The following HEATR9 variants were observed in gnomAD, a reference collection of about 807,000 sequenced individuals.
The protein encoded by HEATR9 is HEAT repeat containing 9, also known as protein HEATR9.
HEATR9 carries 54 observed loss-of-function variants against 68.2 expected under a neutral mutation model. The ratio of observed to expected loss-of-function variants is 0.79; its 90% confidence interval spans 0.64 to 0.99. The LOEUF (loss-of-function observed/expected upper bound fraction) is 0.99. Ranked by LOEUF, HEATR9 falls within the 50% of genes least tolerant of loss-of-function variation. The pLI, the probability that HEATR9 is intolerant of heterozygous loss-of-function variation, is 0.00. For synonymous variants in HEATR9, 241 were observed against 253.5 expected, an observed-to-expected ratio of 0.95 and a Z score of 0.47; for missense variants, 662 against 679.7, an observed-to-expected ratio of 0.97 and a Z score of 0.29.
chr17:35,857,620 G>A (rs917864184), intron 11 of HEATR9, among the ~76,000 whole-genome samples: 50 of 152,096 alleles, frequency 3.3e-4, no homozygotes, highest in African/African-American at 1.0e-3. Flanking sequence ...TTAGCTAGGC[G>A]TGGTTGCGGG....
chr17:35,855,298 G>A lies in HEATR9; in HGVS notation c.1478C>T (p.Pro493Leu). 6.2e-7 allele frequency: 1 copy of A among 1,614,158 alleles called. No individual in the cohort carries two copies. Among genetic ancestry groups the A allele is most frequent in the Non-Finnish European group, 8.5e-7 (1 of 1,180,014 alleles). ...EAPKTNVKAE[P>L]TRFQKEPENP... ...CTCAGGCTCTTTCTGGAACCTTGTGGGCTCTGCCTTCACATTGGTCTTAGG... is the reference window on the plus strand; with the variant it reads ...CTCAGGCTCTTTCTGGAACCTTGTGAGCTCTGCCTTCACATTGGTCTTAGG... Residue 493 changes from proline (P) to leucine (L), a missense_variant, in exon 15 of 15, where the codon CCC becomes CTC. Transcript: ENST00000604834.
rs144377349 is a variant in HEATR9, at chr17:35,858,472, C to G, written c.993G>C (p.Lys331Asn). 33 of 1,613,962 alleles carry G rather than the reference C, an allele frequency of 2.0e-5. No individual in the cohort carries two copies. Among genetic ancestry groups the G allele is most frequent in the Non-Finnish European group, 2.3e-5 (27 of 1,180,032 alleles). ...AAGAACACAGCTGGTCTAGGATGGC[C>G]TTGATGACTGGGGCTGAGTGCACGT... Reference protein sequence around the residue: ...VMHVHSAPVIKAILDQLCSSS... With the variant: ...VMHVHSAPVINAILDQLCSSS... Residue 331 changes from lysine to asparagine, a missense_variant, in exon 10 of 15, where the codon AAG becomes AAC. Coordinates refer to ENST00000604834, the MANE Select transcript of HEATR9 (RefSeq NM_152781.4).
At position 35,858,898 on chromosome 17, in the gene HEATR9, T is replaced by C. The variant is rs1292868322; in HGVS notation, c.929A>G (p.Gln310Arg). 6.2e-7 allele frequency: 1 copy of C among 1,613,550 alleles called. No homozygotes were observed. The highest frequency in any genetic ancestry group is 8.5e-7 in the Non-Finnish European group (1 of 1,179,938). The change falls in exon 9 of 15, where the codon CAG (glutamine) becomes CGG (arginine). Residue 310 changes from glutamine (Q) to arginine (R), a missense_variant. Coordinates refer to ENST00000604834, the MANE Select transcript of HEATR9 (RefSeq NM_152781.4). Reference sequence around the variant, plus strand: ...TCCTGCCCCTCACACCTTCATCCGCTGGGTCTTGAGTCCTTGGCACAGGCA... The same window carrying C: ...TCCTGCCCCTCACACCTTCATCCGCCGGGTCTTGAGTCCTTGGCACAGGCA... ...LQCLCQGLKT[Q>R]RMKALRMLVK... is the part of the protein sequence containing the mutation.
chr17:35,857,438 T>G (rs1156262179), intron 11 of HEATR9, among the ~76,000 whole-genome samples: 1 of 152,134 alleles, frequency 6.6e-6, no homozygotes, highest in African/African-American at 2.4e-5. Context: ...ACAATCTGAT[T>G]TATATTTTTT....
chr17:35,865,906 C>G (rs189241425), intron 2 of HEATR9, among the ~76,000 whole-genome samples: 176 of 152,298 alleles, frequency 1.2e-3, no homozygotes, highest in Non-Finnish European at 2.0e-3. Flanking sequence ...GCAGTTATCC[C>G]TGCCCTCATG....
chr17:35,863,274 C>G (rs1238157271), intron 7 of HEATR9, 149 bp from the exon 8 acceptor site: 6 of 1,140,962 alleles, frequency 5.3e-6, no homozygotes, highest in Non-Finnish European at 7.6e-6. Context: ...ACCAGGGCAG[C>G]TGGCTGAATG....
At chr17:35,866,410 A>G (rs2088199990) in intron 2 of HEATR9, among the ~76,000 whole-genome samples, 1 of 152,198 alleles carries the variant, frequency 6.6e-6, no homozygotes, top group South Asian at 2.1e-4. Context: ...GGCAACCCAA[A>G]CTGTGAGGGT....
intron 12 of HEATR9, chr17:35,856,464 G>A: frequency 8.6e-7 from 1 of 1,168,962 alleles, no homozygotes; most frequent in Non-Finnish European, 1.2e-6. Context: ...TTTAAAAAAA[G>A]TTCTTTTCAT....
chr17:35,859,980 C>G (rs2087918988), intron 8 of HEATR9, among the ~76,000 whole-genome samples: 3 of 152,222 alleles, frequency 2.0e-5, no homozygotes, highest in African/African-American at 7.2e-5. Context: ...CCAACACTTG[C>G]ACCCATACAC....
intron 8 of HEATR9, among the ~76,000 whole-genome samples, chr17:35,860,228 C>CAA (rs540689261): frequency 2.4e-5 from 3 of 125,416 alleles, no homozygotes; most frequent in East Asian, 2.3e-4. Flanking sequence ...ACTAAAAATA[C>CAA]AAAAAAAAAA....
intron 8 of HEATR9, among the ~76,000 whole-genome samples, chr17:35,859,889 C>T (rs75662534): frequency 6.6e-6 from 1 of 152,152 alleles, no homozygotes; most frequent in East Asian, 1.9e-4. Flanking sequence ...GGCTAGTGAC[C>T]TTGCTTTCTA....
At chr17:35,860,712 A>G (rs1229171860) in intron 8 of HEATR9, among the ~76,000 whole-genome samples, 2 of 151,520 alleles carry the variant, frequency 1.3e-5, no homozygotes, top group Non-Finnish European at 2.9e-5. Flanking sequence ...GATGGTCTCA[A>G]TCTCCTGACC....
At chr17:35,864,044 C>G (rs2088102523) in intron 6 of HEATR9, 1 of 584,662 alleles carries the variant, frequency 1.7e-6, no homozygotes, top group African/African-American at 1.9e-5. Context: ...TCTTCAGATT[C>G]TTCCTTCCCT....
At position 35,858,989 on chromosome 17, in the gene HEATR9, C is replaced by A. The variant is rs1244601584; in HGVS notation, c.838G>T (p.Glu280Ter). ...IKKSSSEASL[E>*]AALCLGFLRP... ...AGGAAACCCAGGCACAGGGCTGCCT[C>A]CAGAGATGCTTCACTGGACGACTTC... Residue 280 changes from glutamate (E) to a stop codon, truncating the protein, a stop_gained, in exon 9 of 15, where the codon GAG becomes TAG. Coordinates refer to ENST00000604834, the MANE Select transcript of HEATR9 (RefSeq NM_152781.4). LOFTEE classifies it high-confidence loss of function. 6.2e-7 allele frequency: 1 copy of A among 1,614,200 alleles called. No individual in the cohort carries two copies. Among genetic ancestry groups the A allele is most frequent in the African/African-American group, 1.3e-5 (1 of 75,056 alleles).
At chr17:35,857,146 AT>A (rs1285137389) in intron 11 of HEATR9, among the ~76,000 whole-genome samples, 1 of 152,118 alleles carries the variant, frequency 6.6e-6, no homozygotes, top group Non-Finnish European at 1.5e-5. Flanking sequence ...ATATTAAAAA[AT>A]CTGGAGGCAG....
intron 13 of HEATR9, 54 bp downstream of exon 13, chr17:35,856,119 A>C (rs373793434): frequency 7.7e-6 from 12 of 1,557,756 alleles, no homozygotes; most frequent in Non-Finnish European, 9.7e-6. Flanking sequence ...TCAATCGCCT[A>C]CTCCCCCTGC....
Position 35,855,154 on chromosome 17 carries a change from G to T in HEATR9, c.1622C>A (p.Ser541Ter). Residue 541 changes from serine to a stop codon, truncating the protein, a stop_gained, in exon 15 of 15, where the codon TCG becomes TAG. Coordinates refer to ENST00000604834, the MANE Select transcript of HEATR9 (RefSeq NM_152781.4). LOFTEE classifies it low-confidence loss of function (END_TRUNC). ...CTGTGGCCTATGTTTTCGTGGTTTC[G>T]AGCAGCACGGTGGGAAAGCAGGCGT... ...KKTPAFPPCC[S>*]KPRKHRPQVI... 5 of 1,614,104 alleles carry T rather than the reference G, an allele frequency of 3.1e-6. No homozygotes were observed. Among genetic ancestry groups the T allele is most frequent in the Non-Finnish European group, 4.2e-6 (5 of 1,180,018 alleles).
At chr17:35,863,743 A>T in intron 6 of HEATR9, 184 bp from the exon 7 acceptor site, 1 of 650,658 alleles carries the variant, frequency 1.5e-6, no homozygotes, top group Non-Finnish European at 2.7e-6. Context: ...TACAGTTGGG[A>T]GTTAGATGTT....
At chr17:35,861,805 G>A (rs2088003253) in intron 8 of HEATR9, among the ~76,000 whole-genome samples, 1 of 151,410 alleles carries the variant, frequency 6.6e-6, no homozygotes, top group Admixed American at 6.6e-5. Context: ...ACCCTGCTAT[G>A]TAATTGTTTC....
Sources: gnomAD v4.1 joint callset for allele counts (sites outside exome capture counted in the v4.1 genomes callset) on GRCh38, gnomAD v4.1.1 for gene constraint, MANE v1.5 for transcripts, NCBI Gene and HGNC (gene_info 2026-07-23, HGNC 2026-07-21) for gene names.